The following ADAM12 variants were observed in gnomAD, a reference collection of about 807,000 sequenced individuals.
ADAM12 encodes the protein ADAM metallopeptidase domain 12.
ADAM12 carries 70 observed loss-of-function variants against 106.4 expected under a neutral mutation model. The observed-to-expected ratio is 0.66, with a 90% confidence interval of 0.54 to 0.80. The LOEUF is 0.80. Ranked by LOEUF, ADAM12 falls within the 30% of genes least tolerant of loss-of-function variation. The probability of loss-of-function intolerance (pLI) is 0.00; values close to 1 mark genes in which losing one functional copy is unlikely to be tolerated. For missense variants in ADAM12, 1,010 were observed against 1,171.9 expected (o/e 0.86, Z 2.02); for synonymous variants, 420 against 433.5 (o/e 0.97, Z 0.39).
intron 1 of ADAM12, among the ~76,000 whole-genome samples, chr10:126,338,547 C>T (rs10437527): frequency 0.3 from 44,882 of 151,966 alleles, 6,849 homozygotes; most frequent in African/African-American, 0.36. Flanking sequence ...CCACCGCGCC[C>T]GGCCTGTAAC....
At chr10:126,251,409 C>G (rs7076123) in intron 3 of ADAM12, among the ~76,000 whole-genome samples, 3 of 126,856 alleles carry the variant, frequency 2.4e-5, no homozygotes, top group Non-Finnish European at 3.3e-5. Flanking sequence ...AGGTCACTGT[C>G]TTGGTCAAAA....
intron 17 of ADAM12, among the ~76,000 whole-genome samples, chr10:126,045,285 T>C (rs1954285586): frequency 1.3e-5 from 2 of 152,222 alleles, no homozygotes; most frequent in South Asian, 4.1e-4. Flanking sequence ...GGGAGTTAGC[T>C]AACCTTACCG....
intron 3 of ADAM12, among the ~76,000 whole-genome samples, chr10:126,229,356 T>G (rs923857910): frequency 1.3e-5 from 2 of 152,216 alleles, no homozygotes; most frequent in African/African-American, 2.4e-5. Flanking sequence ...AATTCTGGGT[T>G]TGTCTGGGCA....
Position 126,038,444 on chromosome 10 carries a change from GTTTAC to G in ADAM12, c.2241-100_2241-96del, listed in dbSNP as rs912006907. On this transcript the variant is annotated intron_variant, in intron 19 of 22. Transcript: ENST00000448723. ...TGCTCATAGTGGCACTCAAAAGACAGTTTACTTAACTCAGTGTGCTAAACATGCAA... is the reference window on the plus strand; with the variant it reads ...TGCTCATAGTGGCACTCAAAAGACAGTTAACTCAGTGTGCTAAACATGCAA... 42 of 942,474 alleles carry G rather than the reference GTTTAC, an allele frequency of 4.5e-5. No individual in the cohort carries two copies. In the African/African-American group the frequency reaches 6.9e-4, roughly 16 times the overall value. The allele number at this position is 942,474 out of a possible 1,614,324, so 58.4% of individuals were successfully genotyped here.
At chr10:126,193,402 A>C (rs2133807145) in intron 3 of ADAM12, among the ~76,000 whole-genome samples, 1 of 152,246 alleles carries the variant, frequency 6.6e-6, no homozygotes, top group South Asian at 2.1e-4. Flanking sequence ...AGTCACTGTA[A>C]TCTGATGGCA....
intron 12 of ADAM12, 144 bp downstream of exon 12, chr10:126,071,333 G>T: frequency 1.1e-6 from 1 of 916,056 alleles, no homozygotes; most frequent in Non-Finnish European, 1.6e-6. Context: ...AGCTCACGGG[G>T]CTTGTTCAGG....
chr10:126,019,871 C>G, intron 21 of ADAM12, 46 bp from the exon 22 acceptor site: 1 of 1,561,044 alleles, frequency 6.4e-7, no homozygotes, highest in Non-Finnish European at 8.7e-7. Flanking sequence ...CAGGAGCCAG[C>G]AGAGGCCCCT....
rs74158342 is a variant in ADAM12, at chr10:126,153,212, C to T, written c.339+2015G>A. ...TTAATGAATATAGGATTGAGACTGACAATAATTTTCCCTTAGCTCTCAAGT... is the reference window on the plus strand; with the variant it reads ...TTAATGAATATAGGATTGAGACTGATAATAATTTTCCCTTAGCTCTCAAGT... On this transcript the variant is annotated intron_variant, in intron 4 of 22. Transcript: ENST00000448723. 4.5e-3 allele frequency among the ~76,000 whole-genome samples: 691 copies of T among 152,318 alleles called. 6 individuals carry two copies. Among genetic ancestry groups the T allele is most frequent in the African/African-American group, 0.016 (664 of 41,580 alleles).
chr10:126,178,524 C>T (rs1259561927), intron 3 of ADAM12, among the ~76,000 whole-genome samples: 2 of 145,372 alleles, frequency 1.4e-5, no homozygotes, highest in East Asian at 4.0e-4. Context: ...CAATATATTT[C>T]TTTGTATGCT....
intron 1 of ADAM12, among the ~76,000 whole-genome samples, chr10:126,359,899 C>T (rs1429683004): frequency 6.6e-6 from 1 of 152,222 alleles, no homozygotes; most frequent in Non-Finnish European, 1.5e-5. Flanking sequence ...ACCCCTGCAG[C>T]AAACTTCTGC....
chr10:126,117,273 G>A (rs1330441764), intron 6 of ADAM12, among the ~76,000 whole-genome samples: 1 of 152,212 alleles, frequency 6.6e-6, no homozygotes, highest in Admixed American at 6.5e-5. Context: ...AGGGGTGGAG[G>A]TTTCATGGTG....
chr10:126,343,987 T>C (rs1301482762), intron 1 of ADAM12, among the ~76,000 whole-genome samples: 2 of 152,338 alleles, frequency 1.3e-5, no homozygotes, highest in African/African-American at 4.8e-5. Flanking sequence ...TTCACTCTGA[T>C]GGTAGTTTCT....
chr10:126,291,678 C>G (rs1460125234), intron 2 of ADAM12, among the ~76,000 whole-genome samples: 3 of 152,084 alleles, frequency 2.0e-5, no homozygotes, highest in Non-Finnish European at 4.4e-5. Context: ...CACGCTGAGG[C>G]TGGAGGAGAA....
intron 6 of ADAM12, among the ~76,000 whole-genome samples, chr10:126,113,446 G>A (rs1026741419): frequency 4.0e-5 from 6 of 151,014 alleles, no homozygotes; most frequent in Admixed American, 6.6e-5. Flanking sequence ...AATCCCTCGC[G>A]GTCAGGAGTT....
intron 3 of ADAM12, among the ~76,000 whole-genome samples, chr10:126,266,447 T>TTGCAGGAAG (rs1959099117): frequency 6.6e-6 from 1 of 152,070 alleles, no homozygotes; most frequent in South Asian, 2.1e-4. Context: ...TGATGAGACC[T>TTGCAGGAAG]GAGCATGTGA....
At chr10:126,235,172 A>T (rs748029921) in intron 3 of ADAM12, among the ~76,000 whole-genome samples, 17 of 152,164 alleles carry the variant, frequency 1.1e-4, no homozygotes, top group Non-Finnish European at 1.8e-4. Flanking sequence ...AAGCCCAGGC[A>T]CCTGCTGCTC....
chr10:126,131,708 G>C (rs1461873600), intron 5 of ADAM12, among the ~76,000 whole-genome samples: 2 of 152,214 alleles, frequency 1.3e-5, no homozygotes, highest in Admixed American at 1.3e-4. Flanking sequence ...AATCTTGTCA[G>C]CTCATTGATC....
At chr10:126,330,266 G>T in intron 2 of ADAM12, 146 bp downstream of exon 2, 1 of 660,740 alleles carries the variant, frequency 1.5e-6, no homozygotes, top group East Asian at 2.7e-5. Flanking sequence ...GCATATTTTT[G>T]GCTTAAGAAT....
chr10:126,257,246 G>T (rs1590693954), intron 3 of ADAM12, among the ~76,000 whole-genome samples: 1 of 152,202 alleles, frequency 6.6e-6, no homozygotes, highest in African/African-American at 2.4e-5. Flanking sequence ...AATGATGTCA[G>T]GCAGTGATGT....
Sources: gnomAD v4.1 joint callset for allele counts (sites outside exome capture counted in the v4.1 genomes callset) on GRCh38, gnomAD v4.1.1 for gene constraint, MANE v1.5 for transcripts, NCBI Gene and HGNC (gene_info 2026-07-23, HGNC 2026-07-21) for gene names.